KIF21A: variants seen among roughly 807,000 people sequenced by gnomAD.
KIF21A encodes kinesin family member 21A, also known as kinesin-like protein KIF21A.
A neutral mutation model predicts 202.9 loss-of-function variants in KIF21A; 114 were observed. That is an observed-to-expected ratio of 0.56 (90% CI 0.48 to 0.66). The LOEUF (loss-of-function observed/expected upper bound fraction) is 0.66. Ranked by LOEUF, KIF21A falls within the 30% of genes least tolerant of loss-of-function variation. KIF21A has a pLI of 0.00. For synonymous variants in KIF21A, 667 were observed against 670.8 expected (o/e 0.99, Z 0.09); for missense variants, 1,677 against 1,994.9 (o/e 0.84, Z 3.04).
chr12:39,371,110 G>A (rs1159709001), intron 1 of KIF21A, among the ~76,000 whole-genome samples: 1 of 152,074 alleles, frequency 6.6e-6, no homozygotes, highest in Non-Finnish European at 1.5e-5. Flanking sequence ...AGAATAATAA[G>A]AAAAGGAAGT....
intron 1 of KIF21A, among the ~76,000 whole-genome samples, chr12:39,378,396 C>T (rs768876046): frequency 6.6e-6 from 1 of 152,118 alleles, no homozygotes; most frequent in Non-Finnish European, 1.5e-5. Context: ...AAAAAATAGT[C>T]AAATTCTGGA....
chr12:39,369,704 A>G (rs1371727921), intron 3 of KIF21A, 25 bp downstream of exon 3: 2 of 1,592,272 alleles, frequency 1.3e-6, no homozygotes, highest in East Asian at 2.2e-5. Flanking sequence ...TTTAAAAGAA[A>G]TTAATGCCAA....
intron 1 of KIF21A, among the ~76,000 whole-genome samples, chr12:39,428,454 T>C (rs1180658067): frequency 6.6e-6 from 1 of 152,234 alleles, no homozygotes; most frequent in African/African-American, 2.4e-5. Context: ...CAGTGGCTAT[T>C]ATTGTGTCAA....
chr12:39,297,389 A>T (rs1167081108), intron 37 of KIF21A, among the ~76,000 whole-genome samples: 1 of 152,172 alleles, frequency 6.6e-6, no homozygotes, highest in Non-Finnish European at 1.5e-5. Flanking sequence ...CATATACACC[A>T]TGGAATACTA....
At chr12:39,322,402 A>G (rs58946919) in intron 27 of KIF21A, 1 of 312,616 alleles carries the variant, frequency 3.2e-6, no homozygotes, top group Admixed American at 4.6e-5. Flanking sequence ...TCTGTAATTC[A>G]TAAGTCAGCC....
chr12:39,342,000 A>C (rs1947483655), intron 13 of KIF21A, 34 bp downstream of exon 13: 1 of 1,458,114 alleles, frequency 6.9e-7, no homozygotes, highest in Non-Finnish European at 9.6e-7. Context: ...AAACCTGGTG[A>C]CTAAAACTGA....
chr12:39,427,127 T>C (rs1954827801), intron 1 of KIF21A, among the ~76,000 whole-genome samples: 1 of 152,282 alleles, frequency 6.6e-6, no homozygotes, highest in Non-Finnish European at 1.5e-5. Flanking sequence ...TCAAACTATG[T>C]TGAGTGCACT....
At chr12:39,399,818 A>G (rs927443754) in intron 1 of KIF21A, among the ~76,000 whole-genome samples, 1 of 152,214 alleles carries the variant, frequency 6.6e-6, no homozygotes, top group African/African-American at 2.4e-5. Flanking sequence ...CCCTGCTGAA[A>G]AGATGGATTT....
At chr12:39,316,984 T>C (rs193020135) in intron 29 of KIF21A, among the ~76,000 whole-genome samples, 97 of 152,344 alleles carry the variant, frequency 6.4e-4, no homozygotes, top group African/African-American at 2.2e-3. Context: ...TTCGTATACC[T>C]AGTGAAACTT....
intron 1 of KIF21A, among the ~76,000 whole-genome samples, chr12:39,416,693 ATATATGTACATATATATGTGTG>A (rs1419070221): frequency 4.2e-5 from 5 of 118,098 alleles, no homozygotes; most frequent in East Asian, 2.6e-4. Flanking sequence ...GTGTGTATAT[ATATATGTACATATATATGTGTG>A]TATATATGTA....
intron 1 of KIF21A, among the ~76,000 whole-genome samples, chr12:39,416,791 ATATATATGTACATATATATGTGTG>A (rs1409167253): frequency 0.04 from 4,983 of 124,510 alleles, 303 homozygotes; most frequent in South Asian, 0.12. Context: ...ATATATGTGT[ATATATATGTACATATATATGTGTG>A]TATATATGTA....
At chr12:39,336,455 G>T (rs1297925418) in intron 17 of KIF21A, among the ~76,000 whole-genome samples, 1 of 152,030 alleles carries the variant, frequency 6.6e-6, no homozygotes, top group Non-Finnish European at 1.5e-5. Flanking sequence ...TCATTTTTCA[G>T]ATAAGTATAC....
At chr12:39,333,326 C>G (rs1046622966) in intron 17 of KIF21A, 46 bp from the exon 18 acceptor site, 1 of 1,292,770 alleles carries the variant, frequency 7.7e-7, no homozygotes, top group Admixed American at 1.7e-5. Context: ...GTGAAAGATA[C>G]AATATTTCCT....
At chr12:39,361,863 A>T (rs1375916597) in intron 7 of KIF21A, among the ~76,000 whole-genome samples, 1 of 152,172 alleles carries the variant, frequency 6.6e-6, no homozygotes, top group African/African-American at 2.4e-5. Flanking sequence ...ATTTAATATT[A>T]TCCAAAATTA....
intron 9 of KIF21A, 42 bp downstream of exon 9, chr12:39,357,206 T>C: frequency 6.5e-7 from 1 of 1,548,848 alleles, no homozygotes; most frequent in Non-Finnish European, 8.9e-7. Flanking sequence ...TTCCCTGCCC[T>C]CCAGAAGTTA....
chr12:39,369,279 C>T (rs1949798071), intron 3 of KIF21A, among the ~76,000 whole-genome samples: 3 of 151,940 alleles, frequency 2.0e-5, no homozygotes, highest in Non-Finnish European at 2.9e-5. Context: ...GGCAACATGG[C>T]GAAACCCCAT....
At position 39,342,594 on chromosome 12, in the gene KIF21A, C is replaced by T. The variant is rs74088356; in HGVS notation, c.1713-470G>A. Among the ~76,000 whole-genome samples, 561 of 152,250 alleles carry T rather than the reference C, an allele frequency of 3.7e-3. 3 individuals carry two copies. The highest frequency in any genetic ancestry group is 0.013 in the African/African-American group (531 of 41,538). On this transcript the variant is annotated intron_variant, in intron 12 of 37. Coordinates refer to ENST00000361418, the MANE Select transcript of KIF21A (RefSeq NM_001173464.2). ...AATTTAAAGTTCCAGTTTAAATCTGCCCACAGTAAGCTTGTCTACACTAGC... is the reference window on the plus strand; with the variant it reads ...AATTTAAAGTTCCAGTTTAAATCTGTCCACAGTAAGCTTGTCTACACTAGC...
At chr12:39,344,368 C>A (rs1428082062) in intron 12 of KIF21A, among the ~76,000 whole-genome samples, 1 of 152,132 alleles carries the variant, frequency 6.6e-6, no homozygotes, top group Non-Finnish European at 1.5e-5. Context: ...TAGGAAAGGA[C>A]AATTTGTAGG....
intron 1 of KIF21A, among the ~76,000 whole-genome samples, chr12:39,403,415 A>G (rs960526137): frequency 2.0e-5 from 3 of 152,246 alleles, no homozygotes; most frequent in African/African-American, 4.8e-5. Flanking sequence ...AGTGTGATAC[A>G]TATACACCTA....
Sources: allele counts gnomAD v4.1 joint callset (sites outside exome capture counted in the v4.1 genomes callset), GRCh38; gene constraint gnomAD v4.1.1; transcripts MANE v1.5; gene names NCBI Gene and HGNC (gene_info 2026-07-23, HGNC 2026-07-21).